The following MAGI2 variants were observed in gnomAD, a reference collection of about 807,000 sequenced individuals.
The protein encoded by MAGI2 is membrane-associated guanylate kinase, WW and PDZ domain-containing protein 2.
MAGI2 carries 35 observed loss-of-function variants against 133.3 expected under a neutral mutation model. The ratio of observed to expected loss-of-function variants is 0.26; its 90% CI spans 0.20 to 0.35. MAGI2 has a LOEUF of 0.35. Ranked by LOEUF, MAGI2 falls within the 10% of genes least tolerant of loss-of-function variation. The pLI is 1.00. For synonymous variants in MAGI2, 729 were observed against 710.6 expected (o/e 1.03, Z -0.41); for missense variants, 1,636 against 1,863.4 (o/e 0.88, Z 2.25).
intron 2 of MAGI2, among the ~76,000 whole-genome samples, chr7:78,816,031 C>A (rs1002206481): frequency 6.6e-6 from 1 of 152,058 alleles, no homozygotes; most frequent in African/African-American, 2.4e-5. Flanking sequence ...GTTGTGAATG[C>A]AAAGGAAAAA....
chr7:78,645,673 A>G (rs888185483), intron 2 of MAGI2, among the ~76,000 whole-genome samples: 1 of 146,866 alleles, frequency 6.8e-6, no homozygotes, highest in Non-Finnish European at 1.5e-5. Flanking sequence ...GTGTGTGTAT[A>G]CCATTTACGT....
At chr7:78,695,009 A>G (rs1017548725) in intron 2 of MAGI2, among the ~76,000 whole-genome samples, 1 of 152,096 alleles carries the variant, frequency 6.6e-6, no homozygotes, top group African/African-American at 2.4e-5. Flanking sequence ...GCAGATCACG[A>G]AGTCAGGAGA....
intron 3 of MAGI2, among the ~76,000 whole-genome samples, chr7:78,539,101 C>G (rs985901849): frequency 2.6e-5 from 4 of 152,146 alleles, no homozygotes; most frequent in African/African-American, 4.8e-5. Context: ...TTCCAGTTCT[C>G]AGGGGGAATG....
Position 79,291,166 on chromosome 7 carries a change from A to G in MAGI2, c.301+161854T>C, listed in dbSNP as rs374552873. ...TGGACATTTCATATAAATTGAATCAACAATATGTGGTCTTTTGTGTCTTTT... is the reference window on the plus strand; with the variant it reads ...TGGACATTTCATATAAATTGAATCAGCAATATGTGGTCTTTTGTGTCTTTT... On this transcript the variant is annotated intron_variant, in intron 1 of 21. Coordinates refer to ENST00000354212, the MANE Select transcript of MAGI2 (RefSeq NM_012301.4). Among the ~76,000 whole-genome samples the G allele has an allele frequency of 1.2e-3, 188 of 152,224 alleles. 3 individuals carry two copies. In the South Asian group the frequency reaches 0.037, roughly 30 times the overall value.
intron 1 of MAGI2, among the ~76,000 whole-genome samples, chr7:79,144,489 A>G (rs968770769): frequency 2.0e-5 from 3 of 152,110 alleles, no homozygotes; most frequent in Non-Finnish European, 4.4e-5. Context: ...CCCTTCCACC[A>G]TGATTGGAAG....
intron 1 of MAGI2, among the ~76,000 whole-genome samples, chr7:79,277,458 G>C (rs1355771144): frequency 6.6e-6 from 1 of 151,962 alleles, no homozygotes; most frequent in South Asian, 2.1e-4. Flanking sequence ...CTTTATTGTG[G>C]TGGTCTGGAC....
At chr7:78,947,159 A>T (rs1026373507) in intron 2 of MAGI2, among the ~76,000 whole-genome samples, 48 of 152,074 alleles carry the variant, frequency 3.2e-4, no homozygotes, top group African/African-American at 1.1e-3. Flanking sequence ...AACAAAACAA[A>T]ACAAAAAAAA....
At chr7:78,626,771 G>T (rs1044662187) in intron 3 of MAGI2, among the ~76,000 whole-genome samples, 1 of 151,308 alleles carries the variant, frequency 6.6e-6, no homozygotes, top group Non-Finnish European at 1.5e-5. Context: ...AGATAAAGAC[G>T]TTTTATCTGA....
chr7:78,689,495 A>G (rs939665348), intron 2 of MAGI2, among the ~76,000 whole-genome samples: 1 of 152,114 alleles, frequency 6.6e-6, no homozygotes, highest in Non-Finnish European at 1.5e-5. Context: ...GTAACCTCCA[A>G]TCTAATTACG....
At chr7:79,174,108 A>G (rs1013255683) in intron 1 of MAGI2, among the ~76,000 whole-genome samples, 1 of 152,106 alleles carries the variant, frequency 6.6e-6, no homozygotes, top group African/African-American at 2.4e-5. Context: ...AGGTATGTAT[A>G]TAAGTGTTCA....
intron 3 of MAGI2, among the ~76,000 whole-genome samples, chr7:78,549,398 G>C (rs914421019): frequency 6.6e-6 from 1 of 151,522 alleles, no homozygotes; most frequent in Non-Finnish European, 1.5e-5. Flanking sequence ...TCATTCATCT[G>C]CATTCTAGAT....
intron 1 of MAGI2, among the ~76,000 whole-genome samples, chr7:79,058,795 G>C (rs1444555629): frequency 6.6e-6 from 1 of 152,044 alleles, no homozygotes; most frequent in Non-Finnish European, 1.5e-5. Flanking sequence ...TGGACCATTA[G>C]GGTCTTGAAA....
At chr7:78,645,284 GCAAAAACATCTAATT>G (rs1298479557) in intron 2 of MAGI2, among the ~76,000 whole-genome samples, 3 of 152,010 alleles carry the variant, frequency 2.0e-5, no homozygotes, top group Non-Finnish European at 4.4e-5. Context: ...TGAAAAAGAA[GCAAAAACATCTAATT>G]CCTTCTATAA....
At chr7:79,115,603 A>C (rs1462410573) in intron 1 of MAGI2, among the ~76,000 whole-genome samples, 2 of 152,104 alleles carry the variant, frequency 1.3e-5, no homozygotes, top group East Asian at 1.9e-4. Context: ...ACTGGCTGGG[A>C]ATTGTCAGGT....
chr7:78,124,204 G>A (rs1390953675), intron 20 of MAGI2, among the ~76,000 whole-genome samples: 1 of 152,190 alleles, frequency 6.6e-6, no homozygotes, highest in African/African-American at 2.4e-5. Flanking sequence ...TTACTTAACT[G>A]CTTGTGAGCT....
intron 1 of MAGI2, among the ~76,000 whole-genome samples, chr7:79,228,251 G>T (rs1302248707): frequency 6.6e-6 from 1 of 150,546 alleles, no homozygotes; most frequent in Non-Finnish European, 1.5e-5. Context: ...GGCTGAGGTT[G>T]GGGATTGCTG....
In MAGI2 at chr7:79,012,712, T is replaced by G. The variant is rs1457168295; in HGVS notation, c.302-5506A>C. The stretch of plus-strand genomic sequence containing the variant: ...CATTAAGTGGTCTTGCACAAATCAT[T>G]TCTGGACCTCATTTTTTCTCATCTA... On this transcript the variant is annotated intron_variant, in intron 1 of 21. Transcript: ENST00000354212. Among the ~76,000 whole-genome samples the G allele has an allele frequency of 2.6e-5, 4 of 152,128 alleles. No homozygotes were observed. In the East Asian group the frequency reaches 5.8e-4, roughly 22 times the overall value.
At chr7:79,385,167 T>C (rs1473609666) in intron 1 of MAGI2, among the ~76,000 whole-genome samples, 1 of 151,722 alleles carries the variant, frequency 6.6e-6, no homozygotes, top group African/African-American at 2.4e-5. Flanking sequence ...ACATAAAGTG[T>C]AATAAATGGA....
chr7:78,228,524 A>G (rs1369531339), intron 10 of MAGI2, among the ~76,000 whole-genome samples: 1 of 152,218 alleles, frequency 6.6e-6, no homozygotes, highest in African/African-American at 2.4e-5. Context: ...GACCCATTTT[A>G]CAAGACTCAC....
Sources: allele counts gnomAD v4.1 joint callset (sites outside exome capture counted in the v4.1 genomes callset), GRCh38; gene constraint gnomAD v4.1.1; transcripts MANE v1.5; gene names NCBI Gene and HGNC (gene_info 2026-07-23, HGNC 2026-07-21).